The following PPP3R1 variants were observed in gnomAD, a reference collection of about 807,000 sequenced individuals.
PPP3R1 encodes calcineurin subunit B type 1.
Under a neutral mutation model 22.6 loss-of-function variants are expected in PPP3R1, and 5 were observed. The ratio of observed to expected loss-of-function variants is 0.22; its 90% confidence interval spans 0.12 to 0.46. The LOEUF (loss-of-function observed/expected upper bound fraction) is 0.46, where lower values mean the gene tolerates loss of function less well. Ranked by LOEUF, PPP3R1 falls within the 20% of genes least tolerant of loss-of-function variation. The probability of loss-of-function intolerance (pLI) is 0.99; values close to 1 mark genes in which losing one functional copy is unlikely to be tolerated. For missense variants in PPP3R1, 61 were observed against 203.2 expected (o/e 0.30, Z 4.25); for synonymous variants, 56 against 65.2 (o/e 0.86, Z 0.68).
chr2:68,223,143 C>G (rs1029449858), intron 1 of PPP3R1, among the ~76,000 whole-genome samples: 2 of 152,170 alleles, frequency 1.3e-5, no homozygotes, highest in African/African-American at 4.8e-5. Flanking sequence ...CGCCTATAAT[C>G]CTAACACTTG....
At chr2:68,233,586 A>G (rs1224100212) in intron 1 of PPP3R1, among the ~76,000 whole-genome samples, 1 of 152,180 alleles carries the variant, frequency 6.6e-6, no homozygotes, top group African/African-American at 2.4e-5. Flanking sequence ...AAATCCAAAT[A>G]TTCAAAATTA....
At position 68,252,514 on chromosome 2, in the gene PPP3R1, A is replaced by C; in HGVS notation, c.-387T>G. 1 of 923,272 alleles carries C rather than the reference A, an allele frequency of 1.1e-6. No individual in the cohort carries two copies. The highest frequency in any genetic ancestry group is 1.2e-6 in the Non-Finnish European group (1 of 808,634). 57.2% of individuals were successfully genotyped at this position (923,272 alleles called of 1,614,324 possible). A position where few individuals can be genotyped will look rare whatever the true frequency, so the allele number is the denominator to read the frequency against. On this transcript the variant is annotated 5_prime_UTR_variant, in exon 1 of 6. Transcript: ENST00000234310. ...GGACTCACTGCAGCGGCTCGCGCTGACCCGCAACCTCAAGGCACGAAAAAA... is the reference window on the plus strand; with the variant it reads ...GGACTCACTGCAGCGGCTCGCGCTGCCCCGCAACCTCAAGGCACGAAAAAA...
Position 68,252,204 on chromosome 2 carries a change from G to A in PPP3R1, c.-77C>T. On this transcript the variant is annotated 5_prime_UTR_variant, in exon 1 of 6. Transcript: ENST00000234310. ...CGCTCAGGCTGGCTCGCAGGAAACG[G>A]CGGCGGCGGCCCAGCTGCGGCCCTC... The A allele has an allele frequency of 9.6e-6, 12 of 1,246,320 alleles. No individual in the cohort carries two copies. Among genetic ancestry groups the A allele is most frequent in the East Asian group, 4.2e-5 (1 of 23,562 alleles). 77.2% of individuals were successfully genotyped at this position (1,246,320 alleles called of 1,614,324 possible). A position where few individuals can be genotyped will look rare whatever the true frequency, so the allele number is the denominator to read the frequency against.
rs780036754 is a variant in PPP3R1, at chr2:68,187,353, C to T, written c.221-39G>A. On this transcript the variant is annotated intron_variant, in intron 3 of 5. Coordinates refer to ENST00000234310, the MANE Select transcript of PPP3R1 (RefSeq NM_000945.4). ...AAAAATGTTCACAAATCAGAACTTCCAATTTTTTACACAAAAAACATATTT... is the reference window on the plus strand; with the variant it reads ...AAAAATGTTCACAAATCAGAACTTCTAATTTTTTACACAAAAAACATATTT... 6.6e-6 allele frequency: 10 copies of T among 1,504,396 alleles called. No individual in the cohort carries two copies. The South Asian group carries it at 1.2e-4, about 18-fold the overall frequency. The allele number at this position is 1,504,396 out of a possible 1,614,324, so 93.2% of individuals were successfully genotyped here. A position where few individuals can be genotyped will look rare whatever the true frequency, so the allele number is the denominator to read the frequency against.
At chr2:68,247,889 A>T (rs559496939) in intron 1 of PPP3R1, among the ~76,000 whole-genome samples, 2 of 152,268 alleles carry the variant, frequency 1.3e-5, no homozygotes, top group South Asian at 4.1e-4. Context: ...AATTACTATA[A>T]TTATTTCTGA....
At chr2:68,190,471 CAGG>C (rs1674641977) in intron 2 of PPP3R1, among the ~76,000 whole-genome samples, 1 of 151,978 alleles carries the variant, frequency 6.6e-6, no homozygotes, top group South Asian at 2.1e-4. Context: ...GAGGCTGAGG[CAGG>C]AGAAGCGCCT....
chr2:68,236,947 T>C (rs1670031118), intron 1 of PPP3R1, among the ~76,000 whole-genome samples: 1 of 152,098 alleles, frequency 6.6e-6, no homozygotes, highest in East Asian at 1.9e-4. Context: ...GTATCTAAAA[T>C]TGGGGCAGCC....
At chr2:68,244,887 A>G (rs1408168102) in intron 1 of PPP3R1, among the ~76,000 whole-genome samples, 1 of 152,240 alleles carries the variant, frequency 6.6e-6, no homozygotes, top group Non-Finnish European at 1.5e-5. Context: ...GGAATATAAG[A>G]ACGAAAAGAC....
chr2:68,241,105 C>T (rs766163351), intron 1 of PPP3R1, among the ~76,000 whole-genome samples: 23 of 152,134 alleles, frequency 1.5e-4, no homozygotes, highest in Non-Finnish European at 3.1e-4. Context: ...CCACTGGGAA[C>T]TGGTCCCATT....
At chr2:68,240,052 G>T (rs1474379782) in intron 1 of PPP3R1, among the ~76,000 whole-genome samples, 5 of 152,156 alleles carry the variant, frequency 3.3e-5, no homozygotes. Context: ...TTTAAGGTAG[G>T]CTAGACTAAG....
chr2:68,249,644 T>G lies in PPP3R1; in HGVS notation c.3+2481A>C, dbSNP rs190836854. 6.6e-5 allele frequency among the ~76,000 whole-genome samples: 10 copies of G among 151,992 alleles called. No homozygotes were observed. In the East Asian group the frequency reaches 1.9e-3, roughly 29 times the overall value. On this transcript the variant is annotated intron_variant, in intron 1 of 5. Coordinates refer to ENST00000234310, the MANE Select transcript of PPP3R1 (RefSeq NM_000945.4). ...TCACTATTTACAAGATTTTTTTTTT[T>G]AACATATAACCTTCATTCTCCCTGG...
chr2:68,231,282 G>C (rs1401237206), intron 1 of PPP3R1, among the ~76,000 whole-genome samples: 1 of 151,804 alleles, frequency 6.6e-6, no homozygotes, highest in Non-Finnish European at 1.5e-5. Flanking sequence ...CTGGGCTACT[G>C]TATTGTTTAT....
intron 1 of PPP3R1, among the ~76,000 whole-genome samples, chr2:68,222,641 G>A (rs184493064): frequency 6.6e-6 from 1 of 152,286 alleles, no homozygotes; most frequent in Admixed American, 6.5e-5. Context: ...CAGTTCTTCA[G>A]CTCTCAGGCC....
At chr2:68,248,991 C>T (rs559008687) in intron 1 of PPP3R1, among the ~76,000 whole-genome samples, 10 of 152,276 alleles carry the variant, frequency 6.6e-5, no homozygotes, top group African/African-American at 2.4e-4. Flanking sequence ...AACCAGTAAA[C>T]GGCAGACAAA....
At chr2:68,238,363 A>G (rs557319539) in intron 1 of PPP3R1, among the ~76,000 whole-genome samples, 2 of 152,166 alleles carry the variant, frequency 1.3e-5, no homozygotes, top group Non-Finnish European at 2.9e-5. Flanking sequence ...TTTTCACACA[A>G]TGCCACTGTG....
chr2:68,210,843 T>C (rs1189081088), intron 2 of PPP3R1, among the ~76,000 whole-genome samples: 1 of 152,200 alleles, frequency 6.6e-6, no homozygotes, highest in African/African-American at 2.4e-5. Context: ...AGTGTTGACA[T>C]GGCATGCAAA....
At chr2:68,247,226 T>C (rs1463646499) in intron 1 of PPP3R1, among the ~76,000 whole-genome samples, 3 of 152,190 alleles carry the variant, frequency 2.0e-5, no homozygotes, top group African/African-American at 7.2e-5. Flanking sequence ...GTGCTTGGAT[T>C]GTAGGGATGA....
chr2:68,209,135 G>A (rs2103758498), intron 2 of PPP3R1, among the ~76,000 whole-genome samples: 1 of 150,494 alleles, frequency 6.6e-6, no homozygotes, highest in Admixed American at 6.6e-5. Flanking sequence ...GAGGCGGGCG[G>A]ATCACGAGGT....
intron 1 of PPP3R1, among the ~76,000 whole-genome samples, chr2:68,242,074 A>G (rs948651236): frequency 6.6e-6 from 1 of 152,242 alleles, no homozygotes; most frequent in Admixed American, 6.5e-5. Flanking sequence ...TTTAAAATTT[A>G]AACAACCACA....
Sources: gnomAD v4.1 joint callset for allele counts (sites outside exome capture counted in the v4.1 genomes callset) on GRCh38, gnomAD v4.1.1 for gene constraint, MANE v1.5 for transcripts, NCBI Gene and HGNC (gene_info 2026-07-23, HGNC 2026-07-21) for gene names.